UNC80: variants seen among roughly 807,000 people sequenced by gnomAD.
The protein encoded by UNC80 is unc-80 subunit of NALCN channel complex, also known as protein unc-80 homolog.
In UNC80, 164 loss-of-function variants were observed where a neutral mutation model predicts 384.6. The ratio of observed to expected loss-of-function variants is 0.43; its 90% confidence interval spans 0.38 to 0.49. UNC80 has a LOEUF of 0.49. Ranked by LOEUF, UNC80 falls within the 20% of genes least tolerant of loss-of-function variation. The pLI, the probability that UNC80 is intolerant of heterozygous loss-of-function variation, is 0.00. For missense variants in UNC80, 3,330 were observed against 4,143.0 expected (o/e 0.80, Z 5.39); for synonymous variants, 1,486 against 1,527.8 (o/e 0.97, Z 0.64).
chr2:209,961,752 A>G (rs1274000421), intron 51 of UNC80, among the ~76,000 whole-genome samples: 1 of 152,224 alleles, frequency 6.6e-6, no homozygotes, highest in Non-Finnish European at 1.5e-5. Flanking sequence ...ACGAAGAACA[A>G]GAAAAATCTT....
intron 59 of UNC80, among the ~76,000 whole-genome samples, chr2:209,979,024 G>T (rs1431218947): frequency 6.6e-6 from 1 of 152,132 alleles, no homozygotes; most frequent in African/African-American, 2.4e-5. Flanking sequence ...CGAGGCGGGT[G>T]GATCACCTGA....
rs2093506293 is a variant in UNC80, at chr2:209,997,876, T to A, written c.*2281T>A. 6.6e-6 allele frequency: 1 copy of A among 152,120 alleles called. No individual in the cohort carries two copies. 9.4% of individuals were successfully genotyped at this position (152,120 alleles called of 1,614,324 possible). On this transcript the variant is annotated 3_prime_UTR_variant, in exon 65 of 65. Coordinates refer to ENST00000673920, the MANE Select transcript of UNC80 (RefSeq NM_001371986.1). The stretch of plus-strand genomic sequence containing the variant: ...ATGTGTAATGGCTAAAGTATCTATA[T>A]GTATGTGCATAAAACTGTCACAAGA...
chr2:209,917,503 C>T (rs1042017537), intron 31 of UNC80, among the ~76,000 whole-genome samples: 1 of 152,164 alleles, frequency 6.6e-6, no homozygotes, highest in Non-Finnish European at 1.5e-5. Flanking sequence ...ATTTCATTTG[C>T]TTCCTCTGGC....
At position 209,945,185 on chromosome 2, in the gene UNC80, A is replaced by G. The variant is rs1483729691; in HGVS notation, c.7185A>G (p.Ser2395=). 1.9e-6 allele frequency: 3 copies of G among 1,547,338 alleles called. No homozygotes were observed. The highest frequency in any genetic ancestry group is 2.0e-5 in the Admixed American group (1 of 49,904). Residue 2395 remains serine, a synonymous_variant, in exon 46 of 65, where the codon TCA becomes TCG. Transcript: ENST00000673920. ...ELVKAEKPLK[S]LDFCYGNEDL... ...TCAAAGCTGAGAAGCCTCTCAAGTC[A>G]TTAGGTAAAAGCAAAACTTGCTTTG...
chr2:209,910,158 T>C (rs183689148), intron 29 of UNC80, among the ~76,000 whole-genome samples: 79 of 151,700 alleles, frequency 5.2e-4, no homozygotes, highest in Non-Finnish European at 9.1e-4. Flanking sequence ...AATTTATCAC[T>C]ATTCTGTCCT....
chr2:209,907,185 T>TATCC (rs1359948474), intron 29 of UNC80, among the ~76,000 whole-genome samples: 1 of 151,368 alleles, frequency 6.6e-6, no homozygotes, highest in Non-Finnish European at 1.5e-5. Context: ...TTCTTTCAAT[T>TATCC]ATCCATCCAT....
intron 6 of UNC80, among the ~76,000 whole-genome samples, chr2:209,790,796 T>G (rs2077747643): frequency 6.6e-6 from 1 of 152,196 alleles, no homozygotes; most frequent in Non-Finnish European, 1.5e-5. Flanking sequence ...TACTTTCCTC[T>G]TACATAGACA....
intron 51 of UNC80, among the ~76,000 whole-genome samples, chr2:209,965,613 G>T (rs978607072): frequency 6.6e-6 from 1 of 151,922 alleles, no homozygotes; most frequent in Non-Finnish European, 1.5e-5. Context: ...GGTAGAGACA[G>T]GGTTTCACCA....
chr2:209,904,501 C>T (rs527750633), intron 28 of UNC80, among the ~76,000 whole-genome samples: 1 of 152,328 alleles, frequency 6.6e-6, no homozygotes, highest in Admixed American at 6.5e-5. Flanking sequence ...ATACACTCCA[C>T]AATAATTGTT....
chr2:209,955,029 A>G (rs2092347016), intron 48 of UNC80, among the ~76,000 whole-genome samples: 1 of 152,174 alleles, frequency 6.6e-6, no homozygotes, highest in Admixed American at 6.5e-5. Flanking sequence ...GATGCAGGAC[A>G]CTATGCGTAT....
Position 209,918,682 on chromosome 2 carries a change from C to G in UNC80, c.5343+19C>G, listed in dbSNP as rs1575012624. 5 of 1,536,556 alleles carry G rather than the reference C, an allele frequency of 3.3e-6. No individual in the cohort carries two copies. Among genetic ancestry groups the G allele is most frequent in the Non-Finnish European group, 4.4e-6 (5 of 1,136,842 alleles). ...CCAGTCTGTGAGTAACAGACACTTC[C>G]AGGTTCCATGGTGTACGTGTAAAAG... is the stretch of plus-strand genomic sequence containing the variant. On this transcript the variant is annotated intron_variant, in intron 33 of 64. Coordinates refer to ENST00000673920, the MANE Select transcript of UNC80 (RefSeq NM_001371986.1).
At chr2:209,943,277 T>C in intron 44 of UNC80, 103 bp from the exon 45 acceptor site, 1 of 1,416,848 alleles carries the variant, frequency 7.1e-7, no homozygotes, top group Non-Finnish European at 9.4e-7. Context: ...TTTACAAAGT[T>C]AGCCATTTCC....
chr2:209,973,906 G>GC (rs771130993), intron 56 of UNC80, among the ~76,000 whole-genome samples: 1 of 152,086 alleles, frequency 6.6e-6, no homozygotes, highest in South Asian at 2.1e-4. Context: ...GTCCAGTCCT[G>GC]CTCCCATAGG....
chr2:209,964,649 G>A (rs971844730), intron 51 of UNC80, among the ~76,000 whole-genome samples: 7 of 152,066 alleles, frequency 4.6e-5, no homozygotes, highest in Middle Eastern at 3.4e-3. Flanking sequence ...TTAGCTGGGC[G>A]TGGTGGCATG....
rs751700237 is a variant in UNC80 at position 209,842,330 on chromosome 2, C to CTTTTTT, written c.3358-16_3358-11dup. Reference sequence around the variant, plus strand: ...CTTTGAATCTTATCTCTCTACTTTCCTTTTTTTTTCTTTTTTCAGGTCAAA... The same window carrying CTTTTTT: ...CTTTGAATCTTATCTCTCTACTTTCCTTTTTTTTTTTTTTTCTTTTTTCAGGTCAAA... On this transcript the variant is annotated intron_variant, in intron 20 of 64. Coordinates refer to ENST00000673920, the MANE Select transcript of UNC80 (RefSeq NM_001371986.1). 3 of 1,488,590 alleles carry CTTTTTT rather than the reference C, an allele frequency of 2.0e-6. No individual in the cohort carries two copies. Among genetic ancestry groups the CTTTTTT allele is most frequent in the Admixed American group, 4.2e-5 (2 of 47,540 alleles). 92.2% of individuals were successfully genotyped at this position (1,488,590 alleles called of 1,614,324 possible). A position where few individuals can be genotyped will look rare whatever the true frequency, so the allele number is the denominator to read the frequency against.
At chr2:209,820,700 G>C in intron 13 of UNC80, 21 bp downstream of exon 13, 10 of 1,499,924 alleles carry the variant, frequency 6.7e-6, no homozygotes, top group Non-Finnish European at 8.9e-6. Context: ...ACCACCTTAT[G>C]TGTCCTCATG....
chr2:209,990,212 A>G (rs1206370291), intron 61 of UNC80, among the ~76,000 whole-genome samples: 1 of 152,072 alleles, frequency 6.6e-6, no homozygotes, highest in Non-Finnish European at 1.5e-5. Context: ...CTTTTCTTAC[A>G]CCATTTTTCT....
chr2:209,926,306 G>A (rs1027477878), intron 35 of UNC80, among the ~76,000 whole-genome samples: 3 of 152,138 alleles, frequency 2.0e-5, no homozygotes, highest in Non-Finnish European at 2.9e-5. Flanking sequence ...TCTGTGCTTC[G>A]CTTCTCTACC....
chr2:209,969,641 A>G (rs1333642074), intron 52 of UNC80, 127 bp from the exon 53 acceptor site: 6 of 1,328,540 alleles, frequency 4.5e-6, no homozygotes, highest in Non-Finnish European at 4.1e-6. Flanking sequence ...TTTTGGAACA[A>G]TATGGGTAAA....
Sources: allele counts gnomAD v4.1 joint callset (sites outside exome capture counted in the v4.1 genomes callset), GRCh38; gene constraint gnomAD v4.1.1; transcripts MANE v1.5; gene names NCBI Gene and HGNC (gene_info 2026-07-23, HGNC 2026-07-21).